Variants in GSN observed in about 807,000 individuals in gnomAD.
GSN encodes actin-depolymerizing factor.
GSN carries 56 observed loss-of-function variants against 85.7 expected under a neutral mutation model. The ratio of observed to expected loss-of-function variants is 0.65; its 90% confidence interval spans 0.53 to 0.82. GSN has a LOEUF of 0.82. Among genes scored for constraint, GSN ranks in the 40% least tolerant of loss-of-function variants. GSN has a pLI of 0.00. For synonymous variants in GSN, 373 were observed against 399.1 expected (o/e 0.93, Z 0.78); for missense variants, 857 against 979.8 (o/e 0.87, Z 1.67).
intron 2 of GSN, among the ~76,000 whole-genome samples, chr9:121,294,780 C>T (rs2059053000): frequency 6.6e-6 from 1 of 152,214 alleles, no homozygotes; most frequent in Non-Finnish European, 1.5e-5. Flanking sequence ...CTGCCAGGCA[C>T]TTGTTTGACT....
intron 5 of GSN, among the ~76,000 whole-genome samples, chr9:121,231,733 A>G (rs2054391226): frequency 6.6e-6 from 1 of 151,974 alleles, no homozygotes; most frequent in Admixed American, 6.6e-5. Flanking sequence ...AAGATGGGGA[A>G]TCATGAAAAA....
At position 121,298,786 on chromosome 9, in the gene GSN, T is replaced by A. The variant is rs552605227; in HGVS notation, c.-9-3177T>A. On this transcript the variant is annotated intron_variant, in intron 2 of 17. Transcript: ENST00000432226. ...TTAGAGGTGGAGCAGTTGGATTCTG[T>A]GCAGTGCTAGGAGGGAGGAGAGGGG... Among the ~76,000 whole-genome samples the A allele has an allele frequency of 2.6e-5, 4 of 152,232 alleles. No homozygotes were observed. In the South Asian group the frequency reaches 8.3e-4, roughly 32 times the overall value.
intron 4 of GSN, among the ~76,000 whole-genome samples, chr9:121,221,091 G>A (rs1041733625): frequency 1.3e-5 from 2 of 152,118 alleles, no homozygotes; most frequent in Non-Finnish European, 1.5e-5. Context: ...CCGAGGGGCC[G>A]CCTCTCTCAC....
chr9:121,318,314 T>C lies in GSN; in HGVS notation c.887-92T>C, dbSNP rs1207508516. The C allele has an allele frequency of 3.8e-5, 40 of 1,048,104 alleles. No individual in the cohort carries two copies. The highest frequency in any genetic ancestry group is 2.1e-5 in the Non-Finnish European group (14 of 664,642). 64.9% of individuals were successfully genotyped at this position (1,048,104 alleles called of 1,614,324 possible). On this transcript the variant is annotated intron_variant, in intron 8 of 17. Coordinates refer to ENST00000432226, the MANE Select transcript of GSN (RefSeq NM_198252.3). This position sits in a 1 kb window ranked among gnomAD's most constrained non-coding sequence, Gnocchi z 4.3. ...AGTCTAAGAAGAGTAGGGAGGGAAG[T>C]TTGGCAGCTCCTTCTCCTGGACTGT...
chr9:121,311,324 C>T (rs376070290), intron 5 of GSN: 43 of 206,476 alleles, frequency 2.1e-4, no homozygotes, highest in African/African-American at 4.6e-4. Context: ...AGATGTGTGA[C>T]GCTTTGTACA....
intron 5 of GSN, among the ~76,000 whole-genome samples, chr9:121,240,326 CAT>C (rs1331972899): frequency 2.0e-5 from 3 of 152,174 alleles, no homozygotes; most frequent in Admixed American, 6.5e-5. Flanking sequence ...GGATTCAACT[CAT>C]AACAATTCAA....
chr9:121,318,645 C>T lies in GSN; in HGVS notation c.976-20C>T. The T allele has an allele frequency of 1.3e-6, 2 of 1,588,820 alleles. No homozygotes were observed. Among genetic ancestry groups the T allele is most frequent in the Non-Finnish European group, 1.7e-6 (2 of 1,157,064 alleles). On this transcript the variant is annotated intron_variant, in intron 9 of 17. Transcript: ENST00000432226. This position sits in a 1 kb window ranked among gnomAD's most constrained non-coding sequence, Gnocchi z 4.3. The stretch of plus-strand genomic sequence containing the variant: ...CTGGGCAGCCCAGCCACATCCTGCT[C>T]CTCTGCCTCCCCTCCCCAGGTCTCG...
chr9:121,257,647 G>A (rs2054993864), intron 6 of GSN, among the ~76,000 whole-genome samples: 1 of 152,224 alleles, frequency 6.6e-6, no homozygotes, highest in East Asian at 1.9e-4. Context: ...AAGGCAGGCA[G>A]ATCACTTGAG....
At chr9:121,298,463 A>G (rs556959814) in intron 2 of GSN, among the ~76,000 whole-genome samples, 1 of 152,106 alleles carries the variant, frequency 6.6e-6, no homozygotes, top group Non-Finnish European at 1.5e-5. Context: ...GGGAGAGGGC[A>G]AACTTCAGCC....
At chr9:121,265,910 A>G (rs924427831), upstream of GSN, among the ~76,000 whole-genome samples, 1 of 152,232 alleles carries the variant, frequency 6.6e-6, no homozygotes, top group Non-Finnish European at 1.5e-5. Context: ...TATAAAATAC[A>G]CATGTTGAGT....
intron 2 of GSN, chr9:121,285,000 C>G (rs930128893): frequency 1.2e-5 from 2 of 167,230 alleles, no homozygotes; most frequent in Non-Finnish European, 2.9e-5. Context: ...GTCCAGAGCC[C>G]TTTCACAGCA....
chr9:121,269,791 G>A lies in GSN; in HGVS notation c.-103+1572G>A, dbSNP rs565500905. ...GAATTTTCCACAGTCCTTTTATTAG[G>A]GACTAACATGAGCCTGGAAACAGGC... is the stretch of plus-strand genomic sequence containing the variant. On this transcript the variant is annotated intron_variant, in intron 1 of 17. Transcript: ENST00000432226. Among the ~76,000 whole-genome samples, 4 of 152,288 alleles carry A rather than the reference G, an allele frequency of 2.6e-5. No individual in the cohort carries two copies. The East Asian group carries it at 7.7e-4, about 29-fold the overall frequency.
intron 1 of GSN, among the ~76,000 whole-genome samples, chr9:121,208,700 C>T (rs1399874089): frequency 6.6e-6 from 1 of 152,234 alleles, no homozygotes; most frequent in Non-Finnish European, 1.5e-5. Context: ...TGGTAGGTCA[C>T]ATGGTCACAC....
At chr9:121,313,779 T>C in intron 6 of GSN, 155 bp from the exon 7 acceptor site, 1 of 690,170 alleles carries the variant, frequency 1.4e-6, no homozygotes, top group Non-Finnish European at 2.6e-6. Context: ...GATCTGGACA[T>C]GTGAGCAGAT....
chr9:121,286,116 G>A lies in GSN; in HGVS notation c.-10+4554G>A, dbSNP rs1025896186. 1.0e-5 allele frequency: 16 copies of A among 1,535,588 alleles called. No individual in the cohort carries two copies. In the African/African-American group the frequency reaches 1.8e-4, roughly 17 times the overall value. On this transcript the variant is annotated intron_variant, in intron 2 of 17. Coordinates refer to ENST00000432226, the MANE Select transcript of GSN (RefSeq NM_198252.3). Reference sequence around the variant, plus strand: ...GATTAGGTTGGCCTGTGTCAGGAGAGGCCCACATAGCTCCCCCCAGCCTCG... The same window carrying A: ...GATTAGGTTGGCCTGTGTCAGGAGAAGCCCACATAGCTCCCCCCAGCCTCG...
At chr9:121,247,479 C>T (rs1037604775) in intron 5 of GSN, among the ~76,000 whole-genome samples, 8 of 152,230 alleles carry the variant, frequency 5.3e-5, no homozygotes, top group African/African-American at 1.7e-4. Flanking sequence ...TCCTGACTCA[C>T]ACCCATAAGT....
At chr9:121,313,674 A>T (rs1024601444) in intron 6 of GSN, 20 of 552,232 alleles carry the variant, frequency 3.6e-5, no homozygotes, top group Admixed American at 2.2e-4. Flanking sequence ...CGGTAGGCGA[A>T]ATATCTGAAG....
chr9:121,234,359 C>T (rs1430014993), intron 5 of GSN, among the ~76,000 whole-genome samples: 6 of 152,152 alleles, frequency 3.9e-5, no homozygotes, highest in African/African-American at 1.4e-4. Context: ...TAGAGAGACA[C>T]AGGAAATGGC....
At chr9:121,254,319 G>T (rs551755887) in intron 6 of GSN, among the ~76,000 whole-genome samples, 1 of 152,256 alleles carries the variant, frequency 6.6e-6, no homozygotes, top group Non-Finnish European at 1.5e-5. Context: ...TTGGCTTCCC[G>T]TGAAACAAGA....
Sources: allele counts gnomAD v4.1 joint callset (sites outside exome capture counted in the v4.1 genomes callset), GRCh38; gene constraint gnomAD v4.1.1; non-coding constraint Gnocchi (gnomAD v3.1); transcripts MANE v1.5; gene names NCBI Gene and HGNC (gene_info 2026-07-23, HGNC 2026-07-21).